Variants in TAFA5 observed in about 807,000 individuals in gnomAD.
TAFA5 encodes the protein TAFA chemokine like family member 5.
TAFA5 carries 6 observed loss-of-function variants against 15.3 expected under a neutral mutation model. That is an observed-to-expected ratio of 0.39 (90% CI 0.21 to 0.77). The LOEUF is 0.77. Ranked by LOEUF, TAFA5 falls within the 30% of genes least tolerant of loss-of-function variation. The pLI, the probability that TAFA5 is intolerant of heterozygous loss-of-function variation, is 0.41. For missense variants in TAFA5, 161 were observed against 193.1 expected (o/e 0.83, Z 0.98); for synonymous variants, 103 against 80.7 (o/e 1.28, Z -1.48).
At chr22:48,534,580 T>C (rs1040150114) in intron 1 of TAFA5, among the ~76,000 whole-genome samples, 7 of 152,154 alleles carry the variant, frequency 4.6e-5, no homozygotes, top group Non-Finnish European at 7.4e-5. Flanking sequence ...GGCCCTGGAA[T>C]GTGCCTGTGC....
intron 1 of TAFA5, among the ~76,000 whole-genome samples, chr22:48,527,855 G>A (rs527786554): frequency 4.3e-4 from 66 of 152,294 alleles, no homozygotes; most frequent in African/African-American, 1.6e-3. Context: ...CGGGTAGATG[G>A]AGCCCGGCGC....
intron 1 of TAFA5, among the ~76,000 whole-genome samples, chr22:48,557,594 G>A (rs140173185): frequency 7.2e-5 from 11 of 152,298 alleles, no homozygotes; most frequent in Admixed American, 3.3e-4. Context: ...GCCTGGTCTC[G>A]CCCAAGCATT....
Position 48,590,449 on chromosome 22 carries a change from G to A in TAFA5, c.113-56148G>A, listed in dbSNP as rs1924526082. ...TGGCTTTCCATTCACGGGCTGATGG[G>A]AGGTTTCTTTTTAGCAGTGAGGTGA... On this transcript the variant is annotated intron_variant, in intron 1 of 3. Coordinates refer to ENST00000402357, the MANE Select transcript of TAFA5 (RefSeq NM_001082967.3). 2.6e-5 allele frequency among the ~76,000 whole-genome samples: 4 copies of A among 152,336 alleles called. No homozygotes were observed. In the South Asian group the frequency reaches 8.3e-4, roughly 32 times the overall value.
At chr22:48,495,806 G>A (rs1307176355) in intron 1 of TAFA5, among the ~76,000 whole-genome samples, 7 of 152,030 alleles carry the variant, frequency 4.6e-5, no homozygotes, top group Admixed American at 3.9e-4. Flanking sequence ...CCTCCTCCCC[G>A]GCTCTCACCC....
intron 3 of TAFA5, among the ~76,000 whole-genome samples, chr22:48,740,654 G>T (rs1021287707): frequency 3.9e-5 from 6 of 152,210 alleles, no homozygotes; most frequent in African/African-American, 9.6e-5. Flanking sequence ...ACAGATTCCA[G>T]AGAGAGCAGA....
chr22:48,536,010 C>T (rs1389911769), intron 1 of TAFA5, among the ~76,000 whole-genome samples: 1 of 152,254 alleles, frequency 6.6e-6, no homozygotes, highest in Non-Finnish European at 1.5e-5. Flanking sequence ...CACACACAGA[C>T]ACACCCCCCC....
chr22:48,732,804 A>G (rs528232841), intron 3 of TAFA5, among the ~76,000 whole-genome samples: 1 of 152,352 alleles, frequency 6.6e-6, no homozygotes, highest in Admixed American at 6.5e-5. Context: ...TGTTGTCTTA[A>G]GAAATTGTCA....
At chr22:48,661,745 G>A (rs187916847) in intron 2 of TAFA5, among the ~76,000 whole-genome samples, 36 of 152,328 alleles carry the variant, frequency 2.4e-4, no homozygotes, top group African/African-American at 8.4e-4. Context: ...GGGAACCTCC[G>A]GGCTCTGGAG....
rs1372138656 is a variant in TAFA5, at chr22:48,552,928, A to G, written c.112+63224A>G. On this transcript the variant is annotated intron_variant, in intron 1 of 3. Transcript: ENST00000402357. This position sits in a 1 kb window ranked among gnomAD's most constrained non-coding sequence, Gnocchi z 4.1. ...GTCTGCATTCCCTGCAGAATACCCC[A>G]GAGACTCAGACCTGGGGCTGATCTG... Among the ~76,000 whole-genome samples the G allele has an allele frequency of 6.6e-6, 1 of 152,008 alleles. No homozygotes were observed. Among genetic ancestry groups the G allele is most frequent in the African/African-American group, 2.4e-5 (1 of 41,392 alleles).
intron 1 of TAFA5, among the ~76,000 whole-genome samples, chr22:48,536,607 G>A (rs1180125537): frequency 3.3e-5 from 5 of 152,318 alleles, no homozygotes; most frequent in South Asian, 2.1e-4. Context: ...TTGACATTTC[G>A]AAACCGCCTG....
At chr22:48,707,662 A>C (rs1601687954) in intron 2 of TAFA5, 55 bp from the exon 3 acceptor site, 15 of 1,589,288 alleles carry the variant, frequency 9.4e-6, no homozygotes, top group Non-Finnish European at 1.3e-5. Context: ...CCTCAGCAAC[A>C]CCCTCACGAT....
At chr22:48,581,079 T>C (rs1325417737) in intron 1 of TAFA5, among the ~76,000 whole-genome samples, 1 of 152,236 alleles carries the variant, frequency 6.6e-6, no homozygotes, top group Non-Finnish European at 1.5e-5. Flanking sequence ...CCAACTCTTT[T>C]ATCATCATTT....
rs1165717832 is a variant in TAFA5 at position 48,542,254 on chromosome 22, GTA to G, written c.112+52552_112+52553del. Among the ~76,000 whole-genome samples the G allele has an allele frequency of 3.9e-3, 561 of 143,616 alleles. 5 individuals carry two copies. Among genetic ancestry groups the G allele is most frequent in the African/African-American group, 0.014 (532 of 38,018 alleles). 94.2% of individuals were successfully genotyped at this position (143,616 alleles called of 152,430 possible). On this transcript the variant is annotated intron_variant, in intron 1 of 3. Transcript: ENST00000402357. ...GCTGTGTGTGTGTGCATATGTGTGT[GTA>G]TGTGTGTGTGGTGTGTGTGGGGGGT... is the stretch of plus-strand genomic sequence containing the variant.
chr22:48,616,144 GC>G (rs1351773738), intron 1 of TAFA5, among the ~76,000 whole-genome samples: 1 of 152,054 alleles, frequency 6.6e-6, no homozygotes, highest in African/African-American at 2.4e-5. Flanking sequence ...GAGCTCACCA[GC>G]CCCGGGGCTG....
intron 1 of TAFA5, chr22:48,544,778 G>A (rs902047114): frequency 2.1e-6 from 1 of 471,280 alleles, no homozygotes; most frequent in Admixed American, 2.3e-5. Flanking sequence ...TTGAGTTCTG[G>A]CTGTTACCAC....
intron 1 of TAFA5, among the ~76,000 whole-genome samples, chr22:48,609,454 A>G (rs1390533113): frequency 6.6e-6 from 1 of 152,024 alleles, no homozygotes; most frequent in African/African-American, 2.4e-5. Context: ...CTGTGGCATC[A>G]CTGGCCATGT....
At position 48,520,618 on chromosome 22, in the gene TAFA5, C is replaced by T. The variant is rs192321543; in HGVS notation, c.112+30914C>T. Among the ~76,000 whole-genome samples the T allele has an allele frequency of 8.3e-3, 1,258 of 152,214 alleles. 11 individuals carry two copies. The highest frequency in any genetic ancestry group is 0.025 in the African/African-American group (1,046 of 41,518). On this transcript the variant is annotated intron_variant, in intron 1 of 3. Transcript: ENST00000402357. ...AGATTAATTTGGTGGTGGTCCTAGACGGATGTGAGGGATTTGGAGAGAGAC... is the reference window on the plus strand; with the variant it reads ...AGATTAATTTGGTGGTGGTCCTAGATGGATGTGAGGGATTTGGAGAGAGAC...
At chr22:48,686,186 G>T (rs6010590) in intron 2 of TAFA5, among the ~76,000 whole-genome samples, 1 of 152,126 alleles carries the variant, frequency 6.6e-6, no homozygotes. Flanking sequence ...GTCTGAGGCC[G>T]CCAGGGGTCT....
intron 1 of TAFA5, among the ~76,000 whole-genome samples, chr22:48,514,458 C>T (rs1250111564): frequency 6.6e-6 from 1 of 152,238 alleles, no homozygotes; most frequent in Non-Finnish European, 1.5e-5. Flanking sequence ...AGTCTCAGCT[C>T]TCTCTGTCTG....
Sources: gnomAD v4.1 joint callset for allele counts (sites outside exome capture counted in the v4.1 genomes callset) on GRCh38, gnomAD v4.1.1 for gene constraint, Gnocchi (gnomAD v3.1) non-coding constraint, MANE v1.5 for transcripts, NCBI Gene and HGNC (gene_info 2026-07-23, HGNC 2026-07-21) for gene names.